ONECUT2: variants seen among roughly 807,000 people sequenced by gnomAD.
The protein encoded by ONECUT2 is one cut homeobox 2.
Under a neutral mutation model 27.9 loss-of-function variants are expected in ONECUT2, and 10 were observed. That is an observed-to-expected ratio of 0.36 (90% CI 0.22 to 0.61). The LOEUF (loss-of-function observed/expected upper bound fraction) is 0.61. Ranked by LOEUF, ONECUT2 falls within the 20% of genes least tolerant of loss-of-function variation. ONECUT2 has a pLI of 0.73. For missense variants in ONECUT2, 686 were observed against 721.0 expected (o/e 0.95, Z 0.56); for synonymous variants, 334 against 315.1 (o/e 1.06, Z -0.64).
chr18:57,467,355 T>G (rs2050327577), intron 1 of ONECUT2: 1 of 43,900 alleles, frequency 2.3e-5, no homozygotes, highest in African/African-American at 5.0e-5. Context: ...GTTTTTTTTT[T>G]GTTTGTTTGT....
chr18:57,440,796 C>A (rs7231354), intron 1 of ONECUT2, among the ~76,000 whole-genome samples: 275 of 152,322 alleles, frequency 1.8e-3, no homozygotes, highest in African/African-American at 6.5e-3. Flanking sequence ...CTCGCGCCCA[C>A]CCCCCAACCT....
At chr18:57,455,163 G>C (rs760589793) in intron 1 of ONECUT2, among the ~76,000 whole-genome samples, 3 of 152,032 alleles carry the variant, frequency 2.0e-5, no homozygotes, top group Non-Finnish European at 4.4e-5. Flanking sequence ...TCTTTATCTT[G>C]TTCCCCAAAT....
At chr18:57,465,407 G>A (rs501986) in intron 1 of ONECUT2, among the ~76,000 whole-genome samples, 14,534 of 152,200 alleles carry the variant, frequency 0.095, 807 homozygotes, top group Middle Eastern at 0.21. Flanking sequence ...TAAGCAATCC[G>A]CCCGCCTTGG....
chr18:57,459,559 A>G (rs1216488565), intron 1 of ONECUT2, among the ~76,000 whole-genome samples: 1 of 152,070 alleles, frequency 6.6e-6, no homozygotes, highest in Admixed American at 6.6e-5. Flanking sequence ...CATCTTTTTT[A>G]TTATTTATTT....
rs751788143 is a variant in ONECUT2, at chr18:57,485,164, T to C, written c.*8441T>C. 2 of 152,214 alleles carry C rather than the reference T, an allele frequency of 1.3e-5. No individual in the cohort carries two copies. The highest frequency in any genetic ancestry group is 2.9e-5 in the Non-Finnish European group (2 of 68,036). The allele number at this position is 152,214 out of a possible 1,614,324, so 9.4% of individuals were successfully genotyped here. On this transcript the variant is annotated 3_prime_UTR_variant, in exon 2 of 2. Transcript: ENST00000491143. Reference sequence around the variant, plus strand: ...AGGAGAAAGTTCATTCTTGGCCTGTTGGCTTTGATTATTATGGGTACTTTA... The same window carrying C: ...AGGAGAAAGTTCATTCTTGGCCTGTCGGCTTTGATTATTATGGGTACTTTA...
chr18:57,472,624 C>A (rs2050359994), intron 1 of ONECUT2, among the ~76,000 whole-genome samples: 1 of 152,096 alleles, frequency 6.6e-6, no homozygotes, highest in African/African-American at 2.4e-5. Flanking sequence ...AAGGCATAGG[C>A]AGGATGTATT....
rs976770740 is a variant in ONECUT2, at chr18:57,483,342, T to C, written c.*6619T>C. The C allele has an allele frequency of 2.0e-5, 3 of 152,576 alleles. No individual in the cohort carries two copies. Among genetic ancestry groups the C allele is most frequent in the African/African-American group, 7.2e-5 (3 of 41,430 alleles). 9.5% of individuals were successfully genotyped at this position (152,576 alleles called of 1,614,324 possible). ...TTTTAGAGGTTATAATTTCCTGCTT[T>C]GTTTTTATTTAGACTATCAAATGAA... On this transcript the variant is annotated 3_prime_UTR_variant, in exon 2 of 2. Coordinates refer to ENST00000491143, the MANE Select transcript of ONECUT2 (RefSeq NM_004852.3).
At chr18:57,468,856 T>A (rs2050338393) in intron 1 of ONECUT2, among the ~76,000 whole-genome samples, 1 of 152,182 alleles carries the variant, frequency 6.6e-6, no homozygotes. Flanking sequence ...ATTCAAGGAA[T>A]CTTATTATTT....
chr18:57,460,210 AC>A (rs2050282811), intron 1 of ONECUT2, among the ~76,000 whole-genome samples: 1 of 152,168 alleles, frequency 6.6e-6, no homozygotes, highest in African/African-American at 2.4e-5. Context: ...GGCGTGAGCC[AC>A]CATGCCTGGC....
chr18:57,476,842 C>T lies in ONECUT2; in HGVS notation c.*119C>T. ...GGGCCCTTCACTGGTGATTTGAAAG[C>T]ACAATTCTCTTGCAAAGAAACTTAT... On this transcript the variant is annotated 3_prime_UTR_variant, in exon 2 of 2. Coordinates refer to ENST00000491143, the MANE Select transcript of ONECUT2 (RefSeq NM_004852.3). 8.8e-7 allele frequency: 1 copy of T among 1,131,400 alleles called. No individual in the cohort carries two copies. The allele number at this position is 1,131,400 out of a possible 1,614,324, so 70.1% of individuals were successfully genotyped here.
rs567177996 is a variant in ONECUT2, at chr18:57,481,268, G to T, written c.*4545G>T. 9.8e-5 allele frequency: 15 copies of T among 152,300 alleles called. No homozygotes were observed. The highest frequency in any genetic ancestry group is 3.6e-4 in the African/African-American group (15 of 41,564). 9.4% of individuals were successfully genotyped at this position (152,300 alleles called of 1,614,324 possible). A position where few individuals can be genotyped will look rare whatever the true frequency, so the allele number is the denominator to read the frequency against. ...AGCTTGCACCATGCATAAAGGTGCA[G>T]GCTAGTTGAACCAGGAAGCATGGCA... On this transcript the variant is annotated 3_prime_UTR_variant, in exon 2 of 2. Transcript: ENST00000491143.
chr18:57,453,918 G>A (rs935468777), intron 1 of ONECUT2, among the ~76,000 whole-genome samples: 11 of 152,236 alleles, frequency 7.2e-5, no homozygotes, highest in African/African-American at 2.4e-4. Context: ...AGAAGAACAA[G>A]CCCTCCTCAT....
intron 1 of ONECUT2, among the ~76,000 whole-genome samples, chr18:57,462,727 T>TC (rs1452116557): frequency 1.4e-5 from 2 of 140,244 alleles, no homozygotes; most frequent in African/African-American, 5.3e-5. Flanking sequence ...TTCTTTCTTT[T>TC]TTTTTTTTTT....
At chr18:57,468,191 C>A (rs575350307) in intron 1 of ONECUT2, among the ~76,000 whole-genome samples, 1 of 152,294 alleles carries the variant, frequency 6.6e-6, no homozygotes, top group East Asian at 1.9e-4. Flanking sequence ...CCTTGGCCTC[C>A]CAAATGGATG....
intron 1 of ONECUT2, among the ~76,000 whole-genome samples, chr18:57,451,447 C>T (rs2050229689): frequency 6.6e-6 from 1 of 152,152 alleles, no homozygotes; most frequent in Non-Finnish European, 1.5e-5. Context: ...GCCTTAGACT[C>T]CCAATGGGGG....
chr18:57,442,697 T>C (rs191658199), intron 1 of ONECUT2, among the ~76,000 whole-genome samples: 12 of 152,230 alleles, frequency 7.9e-5, no homozygotes, highest in Admixed American at 5.9e-4. Flanking sequence ...CTTTAGAGGA[T>C]AGAATCATAG....
intron 1 of ONECUT2, among the ~76,000 whole-genome samples, chr18:57,469,731 T>C (rs1368008660): frequency 6.6e-6 from 1 of 152,236 alleles, no homozygotes. Context: ...AACCTCTCCT[T>C]ACACACCTTC....
intron 1 of ONECUT2, among the ~76,000 whole-genome samples, chr18:57,438,735 G>A (rs1241822787): frequency 6.6e-6 from 1 of 152,188 alleles, no homozygotes; most frequent in East Asian, 1.9e-4. Context: ...ACTTTGAGTG[G>A]ATTTAGAAAT....
Position 57,478,848 on chromosome 18 carries a change from G to C in ONECUT2, c.*2125G>C, listed in dbSNP as rs1402078332. ...TAATAGCGCCATTGAACTGTATAAA[G>C]GTAATCAATTATGTTTCTCTGAGCA... is the stretch of plus-strand genomic sequence containing the variant. On this transcript the variant is annotated 3_prime_UTR_variant, in exon 2 of 2. Transcript: ENST00000491143. 4 of 152,360 alleles carry C rather than the reference G, an allele frequency of 2.6e-5. No individual in the cohort carries two copies. The allele number at this position is 152,360 out of a possible 1,614,324, so 9.4% of individuals were successfully genotyped here. A position where few individuals can be genotyped will look rare whatever the true frequency, so the allele number is the denominator to read the frequency against.
Sources: allele counts gnomAD v4.1 joint callset (sites outside exome capture counted in the v4.1 genomes callset), GRCh38; gene constraint gnomAD v4.1.1; transcripts MANE v1.5; gene names NCBI Gene and HGNC (gene_info 2026-07-23, HGNC 2026-07-21).